The following ARFGEF2 variants were observed in gnomAD, a reference collection of about 807,000 sequenced individuals.
The protein encoded by ARFGEF2 is brefeldin A-inhibited guanine nucleotide-exchange protein 2.
A neutral mutation model predicts 219.9 loss-of-function variants in ARFGEF2; 74 were observed. The observed-to-expected ratio is 0.34, with a 90% CI of 0.28 to 0.41. The LOEUF is 0.41. ARFGEF2 is among the 10% of genes least tolerant of loss of function. ARFGEF2 has a pLI of 1.00. For missense variants in ARFGEF2, 1,743 were observed against 2,218.3 expected (o/e 0.79, Z 4.30); for synonymous variants, 733 against 799.2 (o/e 0.92, Z 1.40).
intron 16 of ARFGEF2, among the ~76,000 whole-genome samples, chr20:48,988,068 C>G (rs34414036): frequency 1.3e-5 from 2 of 152,060 alleles, no homozygotes; most frequent in Non-Finnish European, 2.9e-5. Flanking sequence ...GATTACAGGC[C>G]TGAGCCACCA....
chr20:48,991,215 A>T lies in ARFGEF2; in HGVS notation c.2973+17A>T, dbSNP rs1220322390. On this transcript the variant is annotated intron_variant, in intron 21 of 38. Coordinates refer to ENST00000371917, the MANE Select transcript of ARFGEF2 (RefSeq NM_006420.3). ...TGGCATGAGGTACGTGTCTCTTTGAATTGCCTTTTCTCAGTTAGGATGACT... is the reference window on the plus strand; with the variant it reads ...TGGCATGAGGTACGTGTCTCTTTGATTTGCCTTTTCTCAGTTAGGATGACT... 2 of 1,614,120 alleles carry T rather than the reference A, an allele frequency of 1.2e-6. No individual in the cohort carries two copies. The highest frequency in any genetic ancestry group is 2.2e-5 in the South Asian group (2 of 91,072).
At chr20:48,964,468 C>T (rs566666401) in intron 7 of ARFGEF2, among the ~76,000 whole-genome samples, 6 of 152,322 alleles carry the variant, frequency 3.9e-5, no homozygotes, top group Admixed American at 3.9e-4. Flanking sequence ...TGCCAAGGGC[C>T]ATTCCATATG....
chr20:48,931,193 A>G (rs1295131835), intron 1 of ARFGEF2, among the ~76,000 whole-genome samples: 1 of 152,174 alleles, frequency 6.6e-6, no homozygotes, highest in Non-Finnish European at 1.5e-5. Flanking sequence ...CTGTGGGAGG[A>G]GGGAGATGTG....
At chr20:48,934,331 C>G (rs931132034) in intron 1 of ARFGEF2, among the ~76,000 whole-genome samples, 1 of 151,772 alleles carries the variant, frequency 6.6e-6, no homozygotes, top group African/African-American at 2.4e-5. Context: ...TTTCTCCCTC[C>G]GTTTAAAAAA....
chr20:48,950,805 AAAAAAAATATATAT>A (rs1413276567), intron 3 of ARFGEF2, among the ~76,000 whole-genome samples: 9 of 40,240 alleles, frequency 2.2e-4, no homozygotes, highest in African/African-American at 1.2e-3. Context: ...AAAAAAAAAA[AAAAAAAATATATAT>A]ATATATATAT....
chr20:48,930,925 C>T (rs1376300985), intron 1 of ARFGEF2, among the ~76,000 whole-genome samples: 1 of 151,950 alleles, frequency 6.6e-6, no homozygotes, highest in South Asian at 2.1e-4. Context: ...GGGTAAGAAG[C>T]GGAGGAAAGA....
intron 9 of ARFGEF2, 45 bp from the exon 10 acceptor site, chr20:48,971,075 A>T (rs1568713149): frequency 6.5e-7 from 1 of 1,532,370 alleles, no homozygotes; most frequent in East Asian, 2.2e-5. Context: ...ACTGTTTGAC[A>T]TTTTTTCTTT....
chr20:48,984,299 A>G (rs898667598), intron 14 of ARFGEF2, among the ~76,000 whole-genome samples: 1 of 152,188 alleles, frequency 6.6e-6, no homozygotes, highest in Non-Finnish European at 1.5e-5. Context: ...GAAAGAACAA[A>G]AAGAGAAAAA....
intron 20 of ARFGEF2, 34 bp from the exon 21 acceptor site, chr20:48,991,006 A>G: frequency 6.2e-7 from 1 of 1,606,440 alleles, no homozygotes; most frequent in Non-Finnish European, 8.5e-7. Context: ...CTAAGGTTGG[A>G]GTCACAGTGT....
rs1403796394 is a variant in ARFGEF2 at position 48,953,536 on chromosome 20, C to A, written c.604-20C>A. 23 of 1,605,498 alleles carry A rather than the reference C, an allele frequency of 1.4e-5. No individual in the cohort carries two copies. In the Admixed American group the frequency reaches 3.7e-4, roughly 26 times the overall value. On this transcript the variant is annotated intron_variant, in intron 5 of 38. Coordinates refer to ENST00000371917, the MANE Select transcript of ARFGEF2 (RefSeq NM_006420.3). The stretch of plus-strand genomic sequence containing the variant: ...TTCTTCCTTACCAAAATGCTGTATC[C>A]CCCTTTTGTTGCCTTTTAGTTGCAG...
intron 3 of ARFGEF2, among the ~76,000 whole-genome samples, chr20:48,945,365 GT>G (rs1456032287): frequency 6.6e-6 from 1 of 152,176 alleles, no homozygotes; most frequent in East Asian, 1.9e-4. Context: ...TTTAGTATGT[GT>G]TCCTTTATGG....
chr20:48,998,582 T>C (rs970448052), intron 25 of ARFGEF2, 77 bp downstream of exon 25: 26 of 1,507,462 alleles, frequency 1.7e-5, no homozygotes, highest in Non-Finnish European at 2.3e-5. Flanking sequence ...AAAGAAGTGA[T>C]AAATAATTTG....
chr20:48,952,642 C>A, intron 4 of ARFGEF2, 63 bp from the exon 5 acceptor site: 1 of 1,520,496 alleles, frequency 6.6e-7, no homozygotes, highest in Non-Finnish European at 9.1e-7. Flanking sequence ...AAAAGTGTGG[C>A]CATAGGAGGG....
intron 33 of ARFGEF2, among the ~76,000 whole-genome samples, chr20:49,018,448 C>T (rs1299878928): frequency 1.3e-5 from 2 of 152,144 alleles, no homozygotes; most frequent in Non-Finnish European, 2.9e-5. Flanking sequence ...GTTGACCAGG[C>T]TGGTCTTGAA....
At position 49,023,113 on chromosome 20, in the gene ARFGEF2, A is replaced by G. The variant is rs2091575880; in HGVS notation, c.4687A>G (p.Ile1563Val). 1.9e-6 allele frequency: 3 copies of G among 1,614,218 alleles called. No individual in the cohort carries two copies. The highest frequency in any genetic ancestry group is 1.3e-5 in the African/African-American group (1 of 75,062). ...CVVQLELIQT[I>V]DNIVFYPATS... ...GGTCCAGTTGGAATTGATACAGACC[A>G]TTGACAACATTGTGTTCTACCCTGC... The change falls in exon 35 of 39, where the codon ATT becomes GTT. Residue 1563 changes from isoleucine (I) to valine (V), a missense_variant. Physicochemically the swap from Ile to Val is conservative, Grantham distance 29. Transcript: ENST00000371917.
intron 25 of ARFGEF2, among the ~76,000 whole-genome samples, chr20:48,999,762 A>AAG (rs1568730181): frequency 1.3e-5 from 2 of 151,406 alleles, no homozygotes; most frequent in African/African-American, 4.9e-5. Flanking sequence ...AAAAAAAAAA[A>AAG]AAAAAAGAAA....
At chr20:48,960,821 C>T (rs2091144174) in intron 6 of ARFGEF2, among the ~76,000 whole-genome samples, 2 of 149,926 alleles carry the variant, frequency 1.3e-5, no homozygotes, top group South Asian at 4.3e-4. Context: ...GTGGCTTATG[C>T]CTGTAATCCC....
chr20:48,985,919 TG>T (rs1393978363), intron 16 of ARFGEF2, among the ~76,000 whole-genome samples: 1 of 152,222 alleles, frequency 6.6e-6, no homozygotes, highest in Non-Finnish European at 1.5e-5. Flanking sequence ...AGGAGACAAT[TG>T]GGCACCTCTT....
chr20:48,956,309 C>T (rs77920338), intron 6 of ARFGEF2, among the ~76,000 whole-genome samples: 1 of 152,192 alleles, frequency 6.6e-6, no homozygotes. Context: ...GAATCCCCCC[C>T]ACAGCCTTCC....
Sources: gnomAD v4.1 joint callset for allele counts (sites outside exome capture counted in the v4.1 genomes callset) on GRCh38, gnomAD v4.1.1 for gene constraint, MANE v1.5 for transcripts, NCBI Gene and HGNC (gene_info 2026-07-23, HGNC 2026-07-21) for gene names.